The following NKAIN3 variants were observed in gnomAD, a reference collection of about 807,000 sequenced individuals.
NKAIN3 encodes the protein sodium/potassium-transporting ATPase subunit beta-1-interacting protein 3.
Under a neutral mutation model 30.2 loss-of-function variants are expected in NKAIN3, and 25 were observed. The ratio of observed to expected loss-of-function variants is 0.83; its 90% CI spans 0.60 to 1.16. The LOEUF is 1.16. NKAIN3 is among the 50% of genes most tolerant of loss of function. NKAIN3 has a pLI of 0.00. For missense variants in NKAIN3, 225 were observed against 254.1 expected, an observed-to-expected ratio of 0.89 and a Z score of 0.78; for synonymous variants, 91 against 89.6, an observed-to-expected ratio of 1.02 and a Z score of -0.09.
At chr8:62,405,839 C>T (rs951801429) in intron 1 of NKAIN3, among the ~76,000 whole-genome samples, 7 of 152,126 alleles carry the variant, frequency 4.6e-5, no homozygotes, top group Admixed American at 1.3e-4. Flanking sequence ...TGCTCTGCCT[C>T]GACATTCAAG....
At chr8:62,383,416 C>A (rs1335703181) in intron 1 of NKAIN3, 3 of 434,006 alleles carry the variant, frequency 6.9e-6, no homozygotes, top group Non-Finnish European at 1.4e-5. Context: ...GCATTAGATC[C>A]TGGTGCTCAC....
At chr8:62,249,695 T>C (rs1812029473) in intron 1 of NKAIN3, among the ~76,000 whole-genome samples, 1 of 152,098 alleles carries the variant, frequency 6.6e-6, no homozygotes, top group African/African-American at 2.4e-5. Flanking sequence ...GGCTGTGTGC[T>C]TCAGCCCCTG....
downstream of NKAIN3, among the ~76,000 whole-genome samples, chr8:62,989,002 G>C (rs990824457): frequency 2.6e-5 from 4 of 152,180 alleles, no homozygotes; most frequent in African/African-American, 9.7e-5. Context: ...AATGCCACCA[G>C]TCTCTTTACT....
At chr8:62,836,908 C>CT (rs1414931626) in intron 4 of NKAIN3, among the ~76,000 whole-genome samples, 1 of 151,992 alleles carries the variant, frequency 6.6e-6, no homozygotes, top group Non-Finnish European at 1.5e-5. Context: ...AAACCTAAAC[C>CT]TTTTATTAAA....
At chr8:62,408,514 A>T (rs1042004437) in intron 1 of NKAIN3, among the ~76,000 whole-genome samples, 3 of 152,196 alleles carry the variant, frequency 2.0e-5, no homozygotes, top group African/African-American at 7.2e-5. Context: ...CATGTTTCTT[A>T]TAGAGCACTA....
At chr8:62,994,788 G>GT (rs1444479106) in intron 5 of NKAIN3, among the ~76,000 whole-genome samples, 1 of 152,124 alleles carries the variant, frequency 6.6e-6, no homozygotes, top group African/African-American at 2.4e-5. Context: ...GAAAATCTAG[G>GT]TTTTCCCTTT....
intron 1 of NKAIN3, among the ~76,000 whole-genome samples, chr8:62,327,107 C>T (rs781402562): frequency 2.6e-5 from 4 of 151,798 alleles, no homozygotes; most frequent in East Asian, 1.9e-4. Flanking sequence ...ATTGGCCATT[C>T]GTATGTCTTT....
chr8:62,489,624 TA>T (rs1412912841), intron 1 of NKAIN3, among the ~76,000 whole-genome samples: 1 of 152,202 alleles, frequency 6.6e-6, no homozygotes, highest in Non-Finnish European at 1.5e-5. Flanking sequence ...ACAGCATATT[TA>T]AAAGAGTTGT....
At chr8:62,708,353 T>C (rs1814602010) in intron 3 of NKAIN3, among the ~76,000 whole-genome samples, 2 of 152,212 alleles carry the variant, frequency 1.3e-5, no homozygotes, top group African/African-American at 4.8e-5. Flanking sequence ...TACCCTTCCA[T>C]GAGCATGGGA....
intron 1 of NKAIN3, among the ~76,000 whole-genome samples, chr8:62,515,297 T>G (rs1028048375): frequency 2.0e-5 from 3 of 152,156 alleles, no homozygotes; most frequent in African/African-American, 7.2e-5. Context: ...GTATATATAT[T>G]TATTGTGTGC....
In NKAIN3 at chr8:62,632,848, G is replaced by A. The variant is rs140463289; in HGVS notation, c.273+43054G>A. Among the ~76,000 whole-genome samples, 5 of 152,256 alleles carry A rather than the reference G, an allele frequency of 3.3e-5. No homozygotes were observed. The East Asian group carries it at 7.7e-4, about 24-fold the overall frequency. On this transcript the variant is annotated intron_variant, in intron 3 of 6. Transcript: ENST00000623646. The stretch of plus-strand genomic sequence containing the variant: ...CCTGAAGGATCATGCTTCTCACAGA[G>A]AGAGTACATTCACATGCTGATTTTT...
chr8:62,339,240 G>C (rs1164606433), intron 1 of NKAIN3, among the ~76,000 whole-genome samples: 2 of 152,000 alleles, frequency 1.3e-5, no homozygotes, highest in Non-Finnish European at 2.9e-5. Context: ...TCTGAGATGA[G>C]AGAGAAAGGT....
intron 1 of NKAIN3, among the ~76,000 whole-genome samples, chr8:62,249,374 C>T (rs1258161688): frequency 1.3e-5 from 2 of 152,216 alleles, no homozygotes; most frequent in African/African-American, 2.4e-5. Context: ...TGGGGTTCGC[C>T]GCGCTCCCGC....
intron 4 of NKAIN3, among the ~76,000 whole-genome samples, chr8:62,779,332 G>A (rs1817283275): frequency 6.6e-6 from 1 of 151,994 alleles, no homozygotes; most frequent in Non-Finnish European, 1.5e-5. Context: ...ATTTACTTAG[G>A]ACCCTAGAGC....
At chr8:62,912,192 A>T (rs775909667) in intron 4 of NKAIN3, among the ~76,000 whole-genome samples, 6 of 152,202 alleles carry the variant, frequency 3.9e-5, no homozygotes, top group Non-Finnish European at 7.3e-5. Context: ...AATATAGAAG[A>T]AGTACAGTAA....
At chr8:62,891,475 A>G (rs1204952936) in intron 4 of NKAIN3, among the ~76,000 whole-genome samples, 1 of 152,168 alleles carries the variant, frequency 6.6e-6, no homozygotes, top group East Asian at 1.9e-4. Flanking sequence ...CAGACAGCCT[A>G]TTGTGGGACT....
At chr8:62,398,008 T>C (rs534650691) in intron 1 of NKAIN3, among the ~76,000 whole-genome samples, 2 of 152,246 alleles carry the variant, frequency 1.3e-5, no homozygotes, top group African/African-American at 4.8e-5. Context: ...ACATGGACAC[T>C]AACTTAAGGG....
intron 1 of NKAIN3, among the ~76,000 whole-genome samples, chr8:62,479,854 T>G (rs890307415): frequency 1.3e-5 from 2 of 152,154 alleles, no homozygotes; most frequent in African/African-American, 4.8e-5. Flanking sequence ...GGTCAGGATA[T>G]TTCTGCTCCC....
chr8:62,298,715 A>T (rs2129587764), intron 1 of NKAIN3, among the ~76,000 whole-genome samples: 1 of 152,230 alleles, frequency 6.6e-6, no homozygotes, highest in East Asian at 1.9e-4. Context: ...TTTTAAAAAG[A>T]ATCTTTCCAA....
Sources: allele counts gnomAD v4.1 joint callset (sites outside exome capture counted in the v4.1 genomes callset), GRCh38; gene constraint gnomAD v4.1.1; transcripts MANE v1.5; gene names NCBI Gene and HGNC (gene_info 2026-07-23, HGNC 2026-07-21).